The following ACAP1 variants were observed in gnomAD, a reference collection of about 807,000 sequenced individuals.
ACAP1 encodes the protein ArfGAP with coiled-coil, ankyrin repeat and PH domains 1.
ACAP1 carries 45 observed loss-of-function variants against 98.8 expected under a neutral mutation model. That is an observed-to-expected ratio of 0.46 (90% CI 0.36 to 0.58). The LOEUF is 0.58. ACAP1 is among the 20% of genes least tolerant of loss of function. The probability of loss-of-function intolerance (pLI) is 0.00; values close to 1 mark genes in which losing one functional copy is unlikely to be tolerated. For missense variants in ACAP1, 735 were observed against 971.4 expected, an observed-to-expected ratio of 0.76 and a Z score of 3.24; for synonymous variants, 362 against 375.3, an observed-to-expected ratio of 0.96 and a Z score of 0.41.
At position 7,343,804 on chromosome 17, in the gene ACAP1, A is replaced by G; in HGVS notation, c.573+54A>G. 6.2e-7 allele frequency: 1 copy of G among 1,613,612 alleles called. No individual in the cohort carries two copies. Among genetic ancestry groups the G allele is most frequent in the Non-Finnish European group, 8.5e-7 (1 of 1,179,738 alleles). On this transcript the variant is annotated intron_variant, in intron 7 of 21. Transcript: ENST00000158762. The surrounding 1 kb of genome is among the most constrained non-coding windows in gnomAD (Gnocchi z 4.9). Reference sequence around the variant, plus strand: ...TGGAGAAGAGCCTGCTGCCAGCACAAGGGAATGGGGAGAGGGGTTCTTCCT... The same window carrying G: ...TGGAGAAGAGCCTGCTGCCAGCACAGGGGAATGGGGAGAGGGGTTCTTCCT...
chr17:7,342,413 C>T lies in ACAP1; in HGVS notation c.286-3C>T. ...CCAGTCTACCAACTTCTCCTTCCCT[C>T]AGGAGCTTCTAGATGCCACCCAACA... On this transcript the variant is annotated splice_polypyrimidine_tract_variant and splice_region_variant and intron_variant, in intron 4 of 21. Coordinates refer to ENST00000158762, the MANE Select transcript of ACAP1 (RefSeq NM_014716.4). 2 of 1,614,174 alleles carry T rather than the reference C, an allele frequency of 1.2e-6. No individual in the cohort carries two copies. Among genetic ancestry groups the T allele is most frequent in the South Asian group, 2.2e-5 (2 of 91,088 alleles).
At chr17:7,345,675 T>C (rs1315058903) in intron 10 of ACAP1, 2 of 152,142 alleles carry the variant, frequency 1.3e-5, no homozygotes, top group African/African-American at 2.4e-5. Context: ...TCTTTTTTGA[T>C]GGAGCCTCGC....
At chr17:7,337,963 C>T (rs2073238254) in intron 2 of ACAP1, among the ~76,000 whole-genome samples, 1 of 152,152 alleles carries the variant, frequency 6.6e-6, no homozygotes, top group African/African-American at 2.4e-5. Flanking sequence ...TCCCACGGAG[C>T]CCAAAGGCTG....
chr17:7,349,707 C>T (rs1470341531), intron 18 of ACAP1: 2 of 473,454 alleles, frequency 4.2e-6, no homozygotes, highest in Non-Finnish European at 7.5e-6. Flanking sequence ...ATTAACCTCT[C>T]AGCCTCATCT....
At chr17:7,340,807 T>C (rs1218885462) in intron 2 of ACAP1, among the ~76,000 whole-genome samples, 2 of 152,018 alleles carry the variant, frequency 1.3e-5, no homozygotes, top group Non-Finnish European at 2.9e-5. Flanking sequence ...GATCATGCCA[T>C]TGCACTCCAG....
At chr17:7,347,001 G>A in intron 13 of ACAP1, 30 bp from the exon 14 acceptor site, 1 of 1,570,732 alleles carries the variant, frequency 6.4e-7, no homozygotes, top group Non-Finnish European at 8.7e-7. Context: ...TAGGCCCCTT[G>A]GCCACCCTTT....
intron 1 of ACAP1, 62 bp downstream of exon 1, chr17:7,336,849 C>A: frequency 6.4e-7 from 1 of 1,564,402 alleles, no homozygotes; most frequent in South Asian, 1.1e-5. Context: ...AGCACACACA[C>A]ACCTTTCCCC....
intron 21 of ACAP1, 63 bp downstream of exon 21, chr17:7,351,062 G>A: frequency 1.3e-6 from 2 of 1,509,456 alleles, no homozygotes; most frequent in South Asian, 1.1e-5. Flanking sequence ...TCTGGTCCAC[G>A]GTGACCTCTC....
Position 7,350,798 on chromosome 17 carries a change from G to T in ACAP1, c.2073-152G>T, listed in dbSNP as rs2073399960. The T allele has an allele frequency of 3.0e-6, 2 of 668,222 alleles. No homozygotes were observed. Among genetic ancestry groups the T allele is most frequent in the Non-Finnish European group, 5.1e-6 (2 of 388,820 alleles). The allele number at this position is 668,222 out of a possible 1,614,324, so 41.4% of individuals were successfully genotyped here. A position where few individuals can be genotyped will look rare whatever the true frequency, so the allele number is the denominator to read the frequency against. On this transcript the variant is annotated intron_variant, in intron 20 of 21. Transcript: ENST00000158762. The surrounding 1 kb of genome is among the most constrained non-coding windows in gnomAD (Gnocchi z 4.6). The stretch of plus-strand genomic sequence containing the variant: ...GCTAATTTTTTGTATTTTTAGTAGA[G>T]ACGGGGTTTCACCATGTTGGCCAGG...
rs754165562 is a variant in ACAP1 at position 7,348,117 on chromosome 17, C to T, written c.1414-10C>T. 1 of 1,613,864 alleles carries T rather than the reference C, an allele frequency of 6.2e-7. No homozygotes were observed. The highest frequency in any genetic ancestry group is 8.5e-7 in the Non-Finnish European group (1 of 1,179,846). ...TTCCCTGTCTCTGCCTCTGCCTGGG[C>T]CTCCTGAAGCTCATGTGTGAGCTGG... On this transcript the variant is annotated splice_polypyrimidine_tract_variant and intron_variant, in intron 15 of 21. Transcript: ENST00000158762.
intron 2 of ACAP1, among the ~76,000 whole-genome samples, chr17:7,338,476 T>A (rs2073242968): frequency 6.6e-6 from 1 of 152,038 alleles, no homozygotes. Context: ...TTGGCTAAGC[T>A]GGTCTTGAAC....
chr17:7,342,636 A>G, intron 5 of ACAP1, 162 bp downstream of exon 5: 2 of 811,396 alleles, frequency 2.5e-6, no homozygotes, highest in South Asian at 1.7e-5. Flanking sequence ...ACGGTGGCTC[A>G]TGCCTATGAT....
At position 7,347,920 on chromosome 17, in the gene ACAP1, A is replaced by G. The variant is rs2073363325; in HGVS notation, c.1344-2A>G. 6.2e-7 allele frequency: 1 copy of G among 1,614,090 alleles called. No individual in the cohort carries two copies. Among genetic ancestry groups the G allele is most frequent in the Non-Finnish European group, 8.5e-7 (1 of 1,179,952 alleles). On this transcript the variant is annotated splice_acceptor_variant, in intron 14 of 21. Coordinates refer to ENST00000158762, the MANE Select transcript of ACAP1 (RefSeq NM_014716.4). LOFTEE classifies it high-confidence loss of function. ...CCTGACCCTCCCCCTCTGGCCCTCC[A>G]GGAGCCTTGGTGTTCACTTCTCCAA...
chr17:7,343,351 C>T lies in ACAP1; in HGVS notation c.345-28C>T, dbSNP rs1248237012. 1.1e-5 allele frequency: 17 copies of T among 1,594,754 alleles called. No homozygotes were observed. The highest frequency in any genetic ancestry group is 8.0e-5 in the African/African-American group (6 of 74,552). On this transcript the variant is annotated intron_variant, in intron 5 of 21. Coordinates refer to ENST00000158762, the MANE Select transcript of ACAP1 (RefSeq NM_014716.4). The surrounding 1 kb of genome is among the most constrained non-coding windows in gnomAD (Gnocchi z 4.9). ...TGCTGGGGCAGGTGGGTGTTAGCTG[C>T]GATTCTGTGTTATTTTCCCATCCTC...
At chr17:7,341,102 A>C (rs2073272223) in intron 2 of ACAP1, among the ~76,000 whole-genome samples, 1 of 152,240 alleles carries the variant, frequency 6.6e-6, no homozygotes, top group Admixed American at 6.5e-5. Flanking sequence ...GGGAACGTGC[A>C]GTGAGCACAG....
rs1048145301 is a variant in ACAP1, at chr17:7,346,620, T to TG, written c.1007+135dup. On this transcript the variant is annotated intron_variant, in intron 12 of 21. Coordinates refer to ENST00000158762, the MANE Select transcript of ACAP1 (RefSeq NM_014716.4). Reference sequence around the variant, plus strand: ...TAATTTAATTCTTTGGCGGCTGGACTGGGGGGCCATTGTGGAAGAGGGTAC... The same window carrying TG: ...TAATTTAATTCTTTGGCGGCTGGACTGGGGGGGCCATTGTGGAAGAGGGTAC... 38 of 1,165,644 alleles carry TG rather than the reference T, an allele frequency of 3.3e-5. 1 individual carries two copies. The South Asian group carries it at 5.4e-4, about 16-fold the overall frequency. 72.2% of individuals were successfully genotyped at this position (1,165,644 alleles called of 1,614,324 possible).
rs370193152 is a variant in ACAP1 at position 7,350,000 on chromosome 17, C to A, written c.1907C>A (p.Ala636Glu). 24 of 1,613,358 alleles carry A rather than the reference C, an allele frequency of 1.5e-5. No individual in the cohort carries two copies. In the African/African-American group the frequency reaches 2.7e-4, roughly 18 times the overall value. ...CAGAACGGGGCGAACGTGAACCAAG[C>A]GGACAGTGCGGGCCGGGGCCCGCTG... ...LLQNGANVNQ[A>E]DSAGRGPLHH... The change falls in exon 19 of 22, where the codon GCG (alanine) becomes GAG (glutamate). Residue 636 changes from alanine to glutamate, a missense_variant. Coordinates refer to ENST00000158762, the MANE Select transcript of ACAP1 (RefSeq NM_014716.4).
intron 2 of ACAP1, among the ~76,000 whole-genome samples, chr17:7,339,170 G>C (rs1280501491): frequency 6.6e-6 from 1 of 151,948 alleles, no homozygotes; most frequent in Non-Finnish European, 1.5e-5. Context: ...GGCGCCTGTA[G>C]TCCCAGCTAC....
chr17:7,342,374 C>G (rs372993505), intron 4 of ACAP1, 42 bp from the exon 5 acceptor site: 1 of 1,613,778 alleles, frequency 6.2e-7, no homozygotes, highest in African/African-American at 1.3e-5. Flanking sequence ...GCCAGGTCAC[C>G]TGTGGTCCTG....
Sources: gnomAD v4.1 joint callset for allele counts (sites outside exome capture counted in the v4.1 genomes callset) on GRCh38, gnomAD v4.1.1 for gene constraint, Gnocchi (gnomAD v3.1) non-coding constraint, MANE v1.5 for transcripts, NCBI Gene and HGNC (gene_info 2026-07-23, HGNC 2026-07-21) for gene names.